NALCN: variants seen among roughly 807,000 people sequenced by gnomAD.
The protein encoded by NALCN is sodium leak channel, non-selective.
A neutral mutation model predicts 225.3 loss-of-function variants in NALCN; 111 were observed. The ratio of observed to expected loss-of-function variants is 0.49; its 90% CI spans 0.42 to 0.58. NALCN has a LOEUF of 0.58. Among genes scored for constraint, NALCN ranks in the 20% least tolerant of loss-of-function variants. The probability of loss-of-function intolerance (pLI) is 0.00; values close to 1 mark genes in which losing one functional copy is unlikely to be tolerated. For synonymous variants in NALCN, 764 were observed against 769.0 expected (o/e 0.99, Z 0.11); for missense variants, 1,378 against 2,202.4 (o/e 0.63, Z 7.49).
At chr13:101,129,880 C>A (rs1223268793) in intron 17 of NALCN, among the ~76,000 whole-genome samples, 3 of 151,670 alleles carry the variant, frequency 2.0e-5, no homozygotes, top group Non-Finnish European at 4.4e-5. Context: ...TTGCCCCCCA[C>A]CCCGATAGCA....
At chr13:101,114,187 G>A (rs1291355923) in intron 18 of NALCN, among the ~76,000 whole-genome samples, 1 of 152,142 alleles carries the variant, frequency 6.6e-6, no homozygotes, top group African/African-American at 2.4e-5. Flanking sequence ...TATAAGCTGT[G>A]GGACCTTAGA....
In NALCN at chr13:101,055,157, G is replaced by A; in HGVS notation, c.*138C>T. ...TGCAGCTTATGCCTTTCTGTGGCAG[G>A]ATGAAAATCAATTTATAAACATCTT... On this transcript the variant is annotated 3_prime_UTR_variant, in exon 44 of 44. Transcript: ENST00000251127. 2.7e-6 allele frequency: 2 copies of A among 729,082 alleles called. No individual in the cohort carries two copies. The highest frequency in any genetic ancestry group is 4.4e-6 in the Non-Finnish European group (2 of 457,492). The allele number at this position is 729,082 out of a possible 1,614,324, so 45.2% of individuals were successfully genotyped here. A position where few individuals can be genotyped will look rare whatever the true frequency, so the allele number is the denominator to read the frequency against.
rs1208365776 is a variant in NALCN at position 101,060,408 on chromosome 13, A to C, written c.4756-441T>G. Among the ~76,000 whole-genome samples the C allele has an allele frequency of 3.4e-5, 5 of 148,984 alleles. No homozygotes were observed. In the East Asian group the frequency reaches 7.8e-4, roughly 23 times the overall value. ...ATGCTCCTGCCTCAGCCTCCTGAGA[A>C]GCTGAGACTAAAAGTGTGCATGACT... is the stretch of plus-strand genomic sequence containing the variant. On this transcript the variant is annotated intron_variant, in intron 41 of 43. Coordinates refer to ENST00000251127, the MANE Select transcript of NALCN (RefSeq NM_052867.4).
At chr13:101,279,756 G>T (rs1296651806) in intron 10 of NALCN, among the ~76,000 whole-genome samples, 2 of 149,284 alleles carry the variant, frequency 1.3e-5, no homozygotes, top group African/African-American at 2.4e-5. Context: ...GGCGGAGCTT[G>T]CAGTGAGCCG....
chr13:101,270,079 C>T (rs536087527), intron 10 of NALCN, among the ~76,000 whole-genome samples: 73 of 152,166 alleles, frequency 4.8e-4, no homozygotes, highest in African/African-American at 1.6e-3. Context: ...AAAGGATGGA[C>T]GCATTAGATT....
intron 1 of NALCN, among the ~76,000 whole-genome samples, chr13:101,407,942 C>G (rs1444158288): frequency 6.6e-6 from 1 of 152,184 alleles, no homozygotes; most frequent in African/African-American, 2.4e-5. Flanking sequence ...AAGTGTGAGG[C>G]TAATTGTTAC....
intron 18 of NALCN, among the ~76,000 whole-genome samples, chr13:101,122,331 T>G (rs1217462946): frequency 6.6e-6 from 1 of 152,196 alleles, no homozygotes; most frequent in African/African-American, 2.4e-5. Flanking sequence ...AAATTATGGC[T>G]TTTTATTTCC....
intron 40 of NALCN, among the ~76,000 whole-genome samples, chr13:101,063,201 T>C (rs533264988): frequency 6.6e-6 from 1 of 152,310 alleles, no homozygotes; most frequent in South Asian, 2.1e-4. Flanking sequence ...CTCAGTTCCA[T>C]CCTAGAGCCC....
At chr13:101,254,092 G>T (rs548533417) in intron 11 of NALCN, among the ~76,000 whole-genome samples, 1 of 152,160 alleles carries the variant, frequency 6.6e-6, no homozygotes, top group African/African-American at 2.4e-5. Flanking sequence ...ATCAAAAACA[G>T]AGTGGAACGG....
chr13:101,369,135 C>A, intron 6 of NALCN: 1 of 212,618 alleles, frequency 4.7e-6, no homozygotes, highest in Non-Finnish European at 9.9e-6. Flanking sequence ...AAATAGTAAA[C>A]AAAGAGTCAC....
chr13:101,110,180 T>C (rs186785541), intron 20 of NALCN, among the ~76,000 whole-genome samples: 37 of 152,336 alleles, frequency 2.4e-4, no homozygotes, highest in Admixed American at 9.1e-4. Flanking sequence ...TACTAGGTAG[T>C]CCTTGACAGG....
intron 3 of NALCN, among the ~76,000 whole-genome samples, chr13:101,385,701 A>G (rs1054474046): frequency 1.3e-5 from 2 of 152,124 alleles, no homozygotes; most frequent in African/African-American, 4.8e-5. Flanking sequence ...ATTTAATACT[A>G]GTGCATTGAT....
chr13:101,256,920 C>G (rs963466124), intron 11 of NALCN, among the ~76,000 whole-genome samples: 2 of 152,028 alleles, frequency 1.3e-5, no homozygotes, highest in African/African-American at 4.8e-5. Flanking sequence ...CCCGACACTA[C>G]ACCCAGCTAA....
At chr13:101,332,780 G>A (rs2045231786) in intron 7 of NALCN, among the ~76,000 whole-genome samples, 1 of 152,216 alleles carries the variant, frequency 6.6e-6, no homozygotes, top group Admixed American at 6.5e-5. Flanking sequence ...AGAAATAAAG[G>A]AAATAGGGGA....
intron 13 of NALCN, among the ~76,000 whole-genome samples, chr13:101,213,708 GGCCATCAGA>G (rs2040614969): frequency 6.6e-6 from 1 of 152,142 alleles, no homozygotes; most frequent in Non-Finnish European, 1.5e-5. Context: ...CATCATCACT[GGCCATCAGA>G]GAAATGCAAA....
At chr13:101,090,539 G>A (rs1481010552) in intron 28 of NALCN, among the ~76,000 whole-genome samples, 4 of 152,024 alleles carry the variant, frequency 2.6e-5, no homozygotes, top group South Asian at 4.2e-4. Context: ...TCACTGAGAC[G>A]GCAAGAGGTG....
chr13:101,254,661 G>T (rs186336574), intron 11 of NALCN, among the ~76,000 whole-genome samples: 774 of 73,116 alleles, frequency 0.011, 112 homozygotes, highest in African/African-American at 0.027. Context: ...GGAGGCCGAG[G>T]CGGGCGGATC....
intron 22 of NALCN, among the ~76,000 whole-genome samples, chr13:101,106,962 C>T (rs1382517441): frequency 6.6e-6 from 1 of 152,206 alleles, no homozygotes. Flanking sequence ...GTCCACTCTA[C>T]TTACGGCTTC....
At chr13:101,204,444 T>C (rs1473222731) in intron 13 of NALCN, among the ~76,000 whole-genome samples, 3 of 152,170 alleles carry the variant, frequency 2.0e-5, no homozygotes, top group African/African-American at 7.2e-5. Flanking sequence ...AGAAAAAAAC[T>C]GTTTATTGTT....
Sources: gnomAD v4.1 joint callset for allele counts (sites outside exome capture counted in the v4.1 genomes callset) on GRCh38, gnomAD v4.1.1 for gene constraint, MANE v1.5 for transcripts, NCBI Gene and HGNC (gene_info 2026-07-23, HGNC 2026-07-21) for gene names.